KCNA2: variants seen among roughly 807,000 people sequenced by gnomAD.
The protein encoded by KCNA2 is potassium voltage-gated channel subfamily A member 2, also known as potassium channel, voltage gated shaker related subfamily A, member 2.
Under a neutral mutation model 33.4 loss-of-function variants are expected in KCNA2, and 11 were observed. That is an observed-to-expected ratio of 0.33 (90% CI 0.21 to 0.55). The LOEUF is 0.55. Ranked by LOEUF, KCNA2 falls within the 20% of genes least tolerant of loss-of-function variation. KCNA2 has a pLI of 0.93. For synonymous variants in KCNA2, 222 were observed against 231.3 expected, an observed-to-expected ratio of 0.96 and a Z score of 0.37; for missense variants, 291 against 621.6, an observed-to-expected ratio of 0.47 and a Z score of 5.66.
chr1:110,624,126 G>T lies in KCNA2; in HGVS notation c.-496+7269C>A, dbSNP rs142618160. ...AGTTAAGCATATACCTACTATATTAGCAATTTATTTATAGGTATCCATCCA... is the reference window on the plus strand; with the variant it reads ...AGTTAAGCATATACCTACTATATTATCAATTTATTTATAGGTATCCATCCA... On this transcript the variant is annotated intron_variant, in intron 1 of 4. Transcript: ENST00000369770. 2.1e-3 allele frequency among the ~76,000 whole-genome samples: 318 copies of T among 152,254 alleles called. 3 individuals carry two copies. Among genetic ancestry groups the T allele is most frequent in the African/African-American group, 7.3e-3 (303 of 41,548 alleles).
At chr1:110,617,523 T>G (rs1399835679) in intron 1 of KCNA2, among the ~76,000 whole-genome samples, 2 of 151,394 alleles carry the variant, frequency 1.3e-5, no homozygotes, top group Admixed American at 6.6e-5. Context: ...AAATGTGGAG[T>G]ATAGTGGAAA....
Position 110,594,087 on chromosome 1 carries a change from A to G in KCNA2, c.*9196T>C, listed in dbSNP as rs1241871806. The G allele has an allele frequency of 7.0e-7, 1 of 1,430,242 alleles. No homozygotes were observed. Among genetic ancestry groups the G allele is most frequent in the Non-Finnish European group, 9.1e-7 (1 of 1,096,948 alleles). The allele number at this position is 1,430,242 out of a possible 1,614,324, so 88.6% of individuals were successfully genotyped here. A position where few individuals can be genotyped will look rare whatever the true frequency, so the allele number is the denominator to read the frequency against. On this transcript the variant is annotated 3_prime_UTR_variant, in exon 3 of 3. Transcript: ENST00000316361. Reference sequence around the variant, plus strand: ...GGCATCATCCTTACGAAGCTTTACCATCAGCCTTGGAGTTCCTTCTGCTAT... The same window carrying G: ...GGCATCATCCTTACGAAGCTTTACCGTCAGCCTTGGAGTTCCTTCTGCTAT...
intron 1 of KCNA2, among the ~76,000 whole-genome samples, chr1:110,623,478 T>C (rs1650310877): frequency 6.6e-6 from 1 of 152,180 alleles, no homozygotes; most frequent in Non-Finnish European, 1.5e-5. Context: ...CCTCGCTGAA[T>C]TAAAAACGTT....
At position 110,598,027 on chromosome 1, in the gene KCNA2, T is replaced by C. The variant is rs983760233; in HGVS notation, c.*5256A>G. 8.1e-6 allele frequency: 8 copies of C among 985,324 alleles called. No individual in the cohort carries two copies. Among genetic ancestry groups the C allele is most frequent in the Non-Finnish European group, 9.6e-6 (8 of 829,914 alleles). The allele number at this position is 985,324 out of a possible 1,614,324, so 61.0% of individuals were successfully genotyped here. On this transcript the variant is annotated 3_prime_UTR_variant, in exon 3 of 3. Transcript: ENST00000316361. Reference sequence around the variant, plus strand: ...CTAAGTCTGAAGATATAGATGATGGTCACAATAGCTACTGAGAGAGCTCCC... The same window carrying C: ...CTAAGTCTGAAGATATAGATGATGGCCACAATAGCTACTGAGAGAGCTCCC...
intron 1 of KCNA2, among the ~76,000 whole-genome samples, chr1:110,618,614 C>A (rs1650149237): frequency 6.6e-6 from 1 of 152,082 alleles, no homozygotes; most frequent in Non-Finnish European, 1.5e-5. Context: ...GGTAGAGAGC[C>A]CTGCTCAGGT....
intron 1 of KCNA2, among the ~76,000 whole-genome samples, chr1:110,617,516 T>C (rs1177071435): frequency 6.6e-6 from 1 of 151,858 alleles, no homozygotes; most frequent in African/African-American, 2.4e-5. Flanking sequence ...ACTTGGGAAA[T>C]GTGGAGTATA....
At chr1:110,616,594 T>G (rs1004098783) in intron 1 of KCNA2, among the ~76,000 whole-genome samples, 1 of 152,196 alleles carries the variant, frequency 6.6e-6, no homozygotes, top group African/African-American at 2.4e-5. Flanking sequence ...AGGGTCTAAC[T>G]GAAACTCTCC....
chr1:110,593,772 T>C lies in KCNA2; in HGVS notation c.*9511A>G. 8.1e-7 allele frequency: 1 copy of C among 1,228,854 alleles called. No homozygotes were observed. The allele number at this position is 1,228,854 out of a possible 1,614,324, so 76.1% of individuals were successfully genotyped here. ...TGAGGCACATATGTACACATATATG[T>C]ATAACCTATGTACAAATATCAGACC... On this transcript the variant is annotated 3_prime_UTR_variant, in exon 3 of 3. Transcript: ENST00000316361.
intron 1 of KCNA2, among the ~76,000 whole-genome samples, chr1:110,615,254 T>C (rs1156517206): frequency 2.0e-5 from 3 of 152,088 alleles, no homozygotes; most frequent in African/African-American, 4.8e-5. Context: ...ACCTGAATGC[T>C]AAGGAAGTAG....
rs1648984598 is a variant in KCNA2 at position 110,594,144 on chromosome 1, T to C, written c.*9139A>G. 2.2e-6 allele frequency: 3 copies of C among 1,351,108 alleles called. No individual in the cohort carries two copies. The highest frequency in any genetic ancestry group is 1.8e-5 in the South Asian group (1 of 55,428). 83.7% of individuals were successfully genotyped at this position (1,351,108 alleles called of 1,614,324 possible). A position where few individuals can be genotyped will look rare whatever the true frequency, so the allele number is the denominator to read the frequency against. ...CAAGGAGGCTTATTTATCTACCTCT[T>C]TGAGTTTTCAGCAATTATTAGAGAC... On this transcript the variant is annotated 3_prime_UTR_variant, in exon 3 of 3. Coordinates refer to ENST00000316361, the MANE Select transcript of KCNA2 (RefSeq NM_004974.4).
At chr1:110,627,323 C>T (rs186309547) in intron 1 of KCNA2, among the ~76,000 whole-genome samples, 52 of 152,302 alleles carry the variant, frequency 3.4e-4, no homozygotes, top group Non-Finnish European at 4.3e-4. Context: ...AGAAAACACT[C>T]GGCACACCGC....
intron 1 of KCNA2, among the ~76,000 whole-genome samples, chr1:110,624,596 G>A (rs765498155): frequency 2.0e-4 from 30 of 152,156 alleles, no homozygotes; most frequent in Non-Finnish European, 3.5e-4. Flanking sequence ...AATGCATTTT[G>A]TAGTGTATAA....
At position 110,603,880 on chromosome 1, in the gene KCNA2, G is replaced by A. The variant is rs752322953; in HGVS notation, c.903C>T (p.Val301=). The change falls in exon 3 of 3, where the codon GTC becomes GTT. Residue 301 remains valine, a synonymous_variant. Coordinates refer to ENST00000316361, the MANE Select transcript of KCNA2 (RefSeq NM_004974.4). This position sits in a 1 kb window ranked among gnomAD's most constrained non-coding sequence, Gnocchi z 5.7. ...GTCTGGACAACTTGAAAATCCTAAAGACTCTTACCAACCGGATGACACGGA... is the reference window on the plus strand; with the variant it reads ...GTCTGGACAACTTGAAAATCCTAAAAACTCTTACCAACCGGATGACACGGA... The part of the protein sequence containing the change: ...AILRVIRLVR[V]FRIFKLSRHS... 3.6e-5 allele frequency: 58 copies of A among 1,614,076 alleles called. No individual in the cohort carries two copies. The Admixed American group carries it at 9.2e-4, about 26-fold the overall frequency.
In KCNA2 at chr1:110,623,695, C is replaced by T. The variant is rs934328159; in HGVS notation, c.-496+7700G>A. On this transcript the variant is annotated intron_variant, in intron 1 of 4. Coordinates refer to the KCNA2 transcript ENST00000369770. Reference sequence around the variant, plus strand: ...CAGGCATGAGCCACTGCACCTGGCCCTCTCTGCTCTTCTCACTCCATCTAA... The same window carrying T: ...CAGGCATGAGCCACTGCACCTGGCCTTCTCTGCTCTTCTCACTCCATCTAA... 7.9e-5 allele frequency among the ~76,000 whole-genome samples: 12 copies of T among 152,244 alleles called. No individual in the cohort carries two copies. The East Asian group carries it at 2.1e-3, about 27-fold the overall frequency.
rs1649144898 is a variant in KCNA2 at position 110,597,473 on chromosome 1, G to C, written c.*5810C>G. ...GCTGTATGACAGCAGGCAGAAATGG[G>C]GAGACAGAGGGAGAGGGGACAGAGA... On this transcript the variant is annotated 3_prime_UTR_variant, in exon 3 of 3. Coordinates refer to ENST00000316361, the MANE Select transcript of KCNA2 (RefSeq NM_004974.4). 4 of 985,312 alleles carry C rather than the reference G, an allele frequency of 4.1e-6. No individual in the cohort carries two copies. Among genetic ancestry groups the C allele is most frequent in the Non-Finnish European group, 4.8e-6 (4 of 829,944 alleles). 61.0% of individuals were successfully genotyped at this position (985,312 alleles called of 1,614,324 possible). A position where few individuals can be genotyped will look rare whatever the true frequency, so the allele number is the denominator to read the frequency against.
upstream of KCNA2, among the ~76,000 whole-genome samples, chr1:110,609,402 C>T (rs752895460): frequency 1.2e-4 from 18 of 152,180 alleles, no homozygotes; most frequent in Non-Finnish European, 2.4e-4. Context: ...TCTCACAGCC[C>T]TAGAAGTCAA....
At chr1:110,625,113 C>T (rs1650357463) in intron 1 of KCNA2, among the ~76,000 whole-genome samples, 1 of 152,244 alleles carries the variant, frequency 6.6e-6, no homozygotes, top group Non-Finnish European at 1.5e-5. Flanking sequence ...TCACTCAGCC[C>T]TTGGCCCATT....
intron 1 of KCNA2, among the ~76,000 whole-genome samples, chr1:110,618,916 C>T (rs2101452624): frequency 6.6e-6 from 1 of 152,340 alleles, no homozygotes; most frequent in South Asian, 2.1e-4. Flanking sequence ...CTGGGCTCCT[C>T]ACAGGCCTCC....
upstream of KCNA2, chr1:110,607,397 G>A (rs1199942993): frequency 4.6e-5 from 7 of 150,618 alleles, no homozygotes; most frequent in South Asian, 1.2e-3. Flanking sequence ...GCTCCCGGCC[G>A]CCGCCCGCAG....
Sources: allele counts gnomAD v4.1 joint callset (sites outside exome capture counted in the v4.1 genomes callset), GRCh38; gene constraint gnomAD v4.1.1; non-coding constraint Gnocchi (gnomAD v3.1); transcripts MANE v1.5; gene names NCBI Gene and HGNC (gene_info 2026-07-23, HGNC 2026-07-21).